LRP1B: variants seen among roughly 807,000 people sequenced by gnomAD.
LRP1B encodes the protein LDL receptor related protein 1B.
Under a neutral mutation model 556.6 loss-of-function variants are expected in LRP1B, and 217 were observed. That is an observed-to-expected ratio of 0.39 (90% CI 0.35 to 0.44). LRP1B has a LOEUF of 0.44. LRP1B is among the 20% of genes least tolerant of loss of function. The pLI is 1.00. For synonymous variants in LRP1B, 2,047 were observed against 1,865.8 expected, an observed-to-expected ratio of 1.10 and a Z score of -2.50; for missense variants, 5,053 against 5,620.8, an observed-to-expected ratio of 0.90 and a Z score of 3.23.
chr2:141,935,298 T>G (rs1380124952), intron 1 of LRP1B, among the ~76,000 whole-genome samples: 1 of 152,140 alleles, frequency 6.6e-6, no homozygotes, highest in Non-Finnish European at 1.5e-5. Flanking sequence ...TGATAGTCAT[T>G]AAAAGTAAGA....
rs750926030 is a variant in LRP1B, at chr2:140,598,783, T to G, written c.7042A>C (p.Thr2348Pro). The change falls in exon 43 of 91, where the codon ACT becomes CCT. Residue 2348 changes from threonine (T) to proline (P), a missense_variant. Physicochemically the swap from Thr to Pro is conservative, Grantham distance 38. Transcript: ENST00000389484. ...NEQHPSIMRS[T>P]LTGKNAQVVV... ...ACTTGAGCATTTTTCCCAGTCAGAGTAGATCTCATGATACTTGGATGTTGT... is the reference window on the plus strand; with the variant it reads ...ACTTGAGCATTTTTCCCAGTCAGAGGAGATCTCATGATACTTGGATGTTGT... 1 of 1,612,160 alleles carries G rather than the reference T, an allele frequency of 6.2e-7. No individual in the cohort carries two copies. Among genetic ancestry groups the G allele is most frequent in the Non-Finnish European group, 8.5e-7 (1 of 1,178,380 alleles).
At chr2:140,609,012 T>C (rs1262479828) in intron 41 of LRP1B, among the ~76,000 whole-genome samples, 1 of 152,200 alleles carries the variant, frequency 6.6e-6, no homozygotes, top group Non-Finnish European at 1.5e-5. Flanking sequence ...ATACAAGCCA[T>C]GAAAAGATTG....
intron 1 of LRP1B, among the ~76,000 whole-genome samples, chr2:141,926,655 T>A (rs571000701): frequency 7.2e-5 from 11 of 152,308 alleles, no homozygotes; most frequent in Non-Finnish European, 1.6e-4. Flanking sequence ...GAAGCAAAGT[T>A]CACATATTGC....
intron 85 of LRP1B, among the ~76,000 whole-genome samples, chr2:140,271,609 A>C (rs1682465215): frequency 6.6e-6 from 1 of 151,974 alleles, no homozygotes; most frequent in African/African-American, 2.4e-5. Context: ...TGAAAAGCTT[A>C]GTTTGTGAAA....
chr2:141,880,834 G>T (rs899655604), intron 1 of LRP1B, among the ~76,000 whole-genome samples: 3 of 151,716 alleles, frequency 2.0e-5, no homozygotes, highest in African/African-American at 7.3e-5. Flanking sequence ...ACATCATCGT[G>T]AATTCACACT....
At chr2:141,799,718 T>C (rs557244145) in intron 2 of LRP1B, among the ~76,000 whole-genome samples, 4 of 152,118 alleles carry the variant, frequency 2.6e-5, no homozygotes, top group Admixed American at 2.6e-4. Context: ...GTTAAATTTG[T>C]GGTAATTTAT....
At chr2:141,753,426 G>A (rs1405419732) in intron 2 of LRP1B, among the ~76,000 whole-genome samples, 1 of 150,554 alleles carries the variant, frequency 6.6e-6, no homozygotes, top group African/African-American at 2.5e-5. Context: ...AGCCACAATG[G>A]GCCCACCAGT....
In LRP1B at chr2:140,851,744, C is replaced by T. The variant is rs2105121938; in HGVS notation, c.4619G>A (p.Cys1540Tyr). The T allele has an allele frequency of 6.2e-7, 1 of 1,607,160 alleles. No individual in the cohort carries two copies. Among genetic ancestry groups the T allele is most frequent in the Non-Finnish European group, 8.5e-7 (1 of 1,177,772 alleles). The change falls in exon 28 of 91, where the codon TGC becomes TAC. Residue 1540 changes from cysteine to tyrosine, a missense_variant. Around this residue, in one of 5 missense-constraint regions of LRP1B, gnomAD observed 3,619 missense variants for 3,931.9 expected, o/e 0.92. Coordinates refer to ENST00000389484, the MANE Select transcript of LRP1B (RefSeq NM_018557.3). ...GTGATTGATTAGACACATGTGAGAG[C>T]AGGGGCCTTTGCCATCATTAGCTGC... ...PCAANDGKGP[C>Y]SHMCLINHNR... is the part of the protein sequence containing the mutation.
intron 66 of LRP1B, among the ~76,000 whole-genome samples, chr2:140,417,550 T>G (rs963398099): frequency 5.9e-5 from 9 of 152,240 alleles, no homozygotes; most frequent in Non-Finnish European, 1.0e-4. Context: ...GATGATGTTA[T>G]GTGCACTTTT....
At chr2:140,837,183 C>G (rs576175517) in intron 31 of LRP1B, among the ~76,000 whole-genome samples, 1 of 152,264 alleles carries the variant, frequency 6.6e-6, no homozygotes, top group Admixed American at 6.5e-5. Context: ...ATTCAGTTCT[C>G]ATGAGATCTT....
chr2:140,981,816 A>T (rs1696778095), intron 18 of LRP1B, among the ~76,000 whole-genome samples: 1 of 152,140 alleles, frequency 6.6e-6, no homozygotes, highest in African/African-American at 2.4e-5. Context: ...TTACTCCATG[A>T]ACTATTCTCT....
At chr2:141,418,983 T>C (rs1218736459) in intron 3 of LRP1B, among the ~76,000 whole-genome samples, 1 of 152,112 alleles carries the variant, frequency 6.6e-6, no homozygotes, top group Non-Finnish European at 1.5e-5. Context: ...ATAAATGGGA[T>C]TCTTTTCTCA....
chr2:141,329,994 A>AT (rs1220477723), intron 3 of LRP1B, among the ~76,000 whole-genome samples: 13 of 90,588 alleles, frequency 1.4e-4, no homozygotes, highest in African/African-American at 6.1e-4. Flanking sequence ...CAAACTGACT[A>AT]TTATAGATAA....
chr2:141,262,507 C>T (rs545529751), intron 3 of LRP1B, among the ~76,000 whole-genome samples: 1 of 152,146 alleles, frequency 6.6e-6, no homozygotes, highest in African/African-American at 2.4e-5. Flanking sequence ...TCTAAGAAAT[C>T]CATTACTGAC....
At chr2:141,564,714 G>C (rs945407141) in intron 2 of LRP1B, among the ~76,000 whole-genome samples, 2 of 152,084 alleles carry the variant, frequency 1.3e-5, no homozygotes, top group East Asian at 3.9e-4. Flanking sequence ...CAAAGGACAA[G>C]AGAAATGATA....
chr2:140,326,548 C>G (rs1210245874), intron 79 of LRP1B, among the ~76,000 whole-genome samples: 2 of 152,000 alleles, frequency 1.3e-5, no homozygotes, highest in Non-Finnish European at 2.9e-5. Context: ...AACCCTGTCT[C>G]TACTAAAAAT....
chr2:140,964,470 C>A (rs558040050), intron 18 of LRP1B, among the ~76,000 whole-genome samples: 2 of 152,192 alleles, frequency 1.3e-5, no homozygotes, highest in East Asian at 2.0e-4. Context: ...CATTTTGCTA[C>A]GGCTGGACCA....
At chr2:140,651,728 T>A (rs2105321914) in intron 41 of LRP1B, among the ~76,000 whole-genome samples, 1 of 151,602 alleles carries the variant, frequency 6.6e-6, no homozygotes, top group South Asian at 2.1e-4. Context: ...GATGAGGGAG[T>A]CATGAACACT....
chr2:141,253,197 C>G (rs941713832), intron 4 of LRP1B, among the ~76,000 whole-genome samples: 4 of 152,158 alleles, frequency 2.6e-5, no homozygotes, highest in Non-Finnish European at 5.9e-5. Context: ...TCATCCATGT[C>G]TGGCACCATT....
Sources: allele counts gnomAD v4.1 joint callset (sites outside exome capture counted in the v4.1 genomes callset), GRCh38; gene constraint gnomAD v4.1.1; regional missense constraint gnomAD v4.1.1; transcripts MANE v1.5; gene names NCBI Gene and HGNC (gene_info 2026-07-23, HGNC 2026-07-21).